WDR62: variants seen among roughly 807,000 people sequenced by gnomAD.
The protein encoded by WDR62 is WD repeat domain 62.
A neutral mutation model predicts 160.6 loss-of-function variants in WDR62; 112 were observed. The ratio of observed to expected loss-of-function variants is 0.70; its 90% CI spans 0.60 to 0.82. The LOEUF (loss-of-function observed/expected upper bound fraction) is 0.82. Among genes scored for constraint, WDR62 ranks in the 40% least tolerant of loss-of-function variants. The pLI is 0.00. For synonymous variants in WDR62, 792 were observed against 815.1 expected (o/e 0.97, Z 0.48); for missense variants, 1,819 against 1,983.8 (o/e 0.92, Z 1.58).
chr19:36,102,307 C>A (rs1266231897), intron 26 of WDR62, 156 bp downstream of exon 26: 17 of 1,125,466 alleles, frequency 1.5e-5, no homozygotes. Context: ...TGTTGCCAGG[C>A]TGGAGTGCGG....
downstream of WDR62, among the ~76,000 whole-genome samples, chr19:36,107,371 G>A (rs184883098): frequency 6.3e-4 from 96 of 152,250 alleles, no homozygotes; most frequent in East Asian, 0.016. Context: ...AAGCTGCCCC[G>A]ATAGTACTGC....
Position 36,069,881 on chromosome 19 carries a change from G to C in WDR62, c.883-1675G>C, listed in dbSNP as rs912100104. On this transcript the variant is annotated intron_variant, in intron 7 of 31. Coordinates refer to ENST00000401500, the MANE Select transcript of WDR62 (RefSeq NM_001083961.2). ...GGCGTGGCGGCGCGCGCCTGCAATC[G>C]CAGGCACTCGGCAGGCTGAGGCAGG... Among the ~76,000 whole-genome samples, 5 of 152,162 alleles carry C rather than the reference G, an allele frequency of 3.3e-5. No homozygotes were observed. The East Asian group carries it at 9.7e-4, about 29-fold the overall frequency.
At chr19:36,066,912 G>C (rs1281478991) in intron 5 of WDR62, among the ~76,000 whole-genome samples, 3 of 152,168 alleles carry the variant, frequency 2.0e-5, no homozygotes. Context: ...GGGCTTTTGA[G>C]GGATTGAGGA....
chr19:36,069,151 G>A (rs1439627240), intron 7 of WDR62, among the ~76,000 whole-genome samples: 2 of 145,728 alleles, frequency 1.4e-5, no homozygotes, highest in Admixed American at 1.3e-4. Flanking sequence ...TCCCGGACTG[G>A]GCGGCTGGCC....
In WDR62 at chr19:36,067,924, G is replaced by T. The variant is rs200939815; in HGVS notation, c.796G>T (p.Ala266Ser). 6.2e-6 allele frequency: 10 copies of T among 1,614,080 alleles called. No individual in the cohort carries two copies. Among genetic ancestry groups the T allele is most frequent in the African/African-American group, 5.3e-5 (4 of 74,930 alleles). Residue 266 changes from alanine to serine, a missense_variant, in exon 7 of 32, where the codon GCG becomes TCG. Transcript: ENST00000401500. ...TGTGGCCTGCGGTCGGGGCCGGATG[G>T]CGGGCAGTACCTTCTGTGTGTCCTA... Reference protein sequence around the residue: ...CGVACGRGRMAGSTFCVSYSG... With the variant: ...CGVACGRGRMSGSTFCVSYSG...
At position 36,078,544 on chromosome 19, in the gene WDR62, G is replaced by C. The variant is rs183243607; in HGVS notation, c.1234-2889G>C. Among the ~76,000 whole-genome samples the C allele has an allele frequency of 5.3e-5, 8 of 151,514 alleles. No individual in the cohort carries two copies. In the East Asian group the frequency reaches 1.6e-3, roughly 29 times the overall value. On this transcript the variant is annotated intron_variant, in intron 9 of 31. Coordinates refer to ENST00000401500, the MANE Select transcript of WDR62 (RefSeq NM_001083961.2). ...TTTTAAATATCTTTTACCTTCTTTT[G>C]AAACAGTAGGCCCAGCGTGGTGGCT...
chr19:36,059,651 T>A (rs373749436), intron 2 of WDR62, among the ~76,000 whole-genome samples: 2 of 152,040 alleles, frequency 1.3e-5, no homozygotes, highest in Admixed American at 6.6e-5. Context: ...CCCAGGCTGG[T>A]CTAAAACTCC....
rs1193342819 is a variant in WDR62, at chr19:36,067,856, G to A, written c.728G>A (p.Arg243His). 5.0e-6 allele frequency: 8 copies of A among 1,614,200 alleles called. No individual in the cohort carries two copies. In the Admixed American group the frequency reaches 5.0e-5, roughly 10 times the overall value. Residue 243 changes from arginine (R) to histidine (H), a missense_variant, in exon 7 of 32, where the codon CGC becomes CAC. Transcript: ENST00000401500. ...KVTSTVPLVG[R>H]SGILGELHNN... ...ACGAGCACAGTGCCCCTTGTAGGGC[G>A]CTCGGGCATCCTGGGCGAGCTGCAC...
At chr19:36,064,212 C>G (rs978705271) in intron 3 of WDR62, among the ~76,000 whole-genome samples, 1 of 152,232 alleles carries the variant, frequency 6.6e-6, no homozygotes, top group African/African-American at 2.4e-5. Context: ...GCATGCTCTT[C>G]CTGCATGTCA....
chr19:36,067,872 C>A lies in WDR62; in HGVS notation c.744C>A (p.Gly248=), dbSNP rs146898747. Residue 248 remains glycine, a synonymous_variant, in exon 7 of 32, where the codon GGC becomes GGA. Transcript: ENST00000401500. ...VPLVGRSGIL[G]ELHNNIFCGV... is the part of the protein sequence containing the mutation. The stretch of plus-strand genomic sequence containing the variant: ...TTGTAGGGCGCTCGGGCATCCTGGG[C>A]GAGCTGCACAACAACATCTTCTGTG... 6.2e-6 allele frequency: 10 copies of A among 1,614,092 alleles called. No individual in the cohort carries two copies.
In WDR62 at chr19:36,066,570, C is replaced by T. The variant is rs563440401; in HGVS notation, c.561+143C>T. On this transcript the variant is annotated intron_variant, in intron 5 of 31. Coordinates refer to ENST00000401500, the MANE Select transcript of WDR62 (RefSeq NM_001083961.2). ...ACAGCTATTGAGCACCTGTGACATG[C>T]TGATCCCTTATTGTAGGGCACAAGG... 1.4e-5 allele frequency: 13 copies of T among 897,888 alleles called. No individual in the cohort carries two copies. In the East Asian group the frequency reaches 3.4e-4, roughly 24 times the overall value. 55.6% of individuals were successfully genotyped at this position (897,888 alleles called of 1,614,324 possible). A position where few individuals can be genotyped will look rare whatever the true frequency, so the allele number is the denominator to read the frequency against.
intron 9 of WDR62, among the ~76,000 whole-genome samples, chr19:36,076,700 A>G (rs1466944734): frequency 6.6e-6 from 1 of 152,028 alleles, no homozygotes; most frequent in Non-Finnish European, 1.5e-5. Flanking sequence ...TTAAGGACAC[A>G]GGGGATGGTG....
At chr19:36,091,113 A>G (rs1391303741) in intron 16 of WDR62, 87 bp from the exon 17 acceptor site, 21 of 1,129,994 alleles carry the variant, frequency 1.9e-5, no homozygotes, top group Non-Finnish European at 2.5e-5. Flanking sequence ...TGTGCTGTGC[A>G]TGCAGCACGG....
In WDR62 at chr19:36,102,966, TC is replaced by T; in HGVS notation, c.3358del (p.Arg1120GlyfsTer7). The stretch of plus-strand genomic sequence containing the variant: ...CCCACAGGTTCACCCATACCTTCCC[TC>T]CCCGGGCAACCCAGTGCCTTGTGAA... ...KASRFTHTFPPRATQCLVKSP... is the reference protein window; with the variant it reads ...KASRFTHTFPXRATQCLVKSP... On this transcript the variant is annotated frameshift_variant, in exon 28 of 32. Transcript: ENST00000401500. LOFTEE classifies it high-confidence loss of function. The T allele has an allele frequency of 6.2e-7, 1 of 1,614,048 alleles. No individual in the cohort carries two copies. The highest frequency in any genetic ancestry group is 8.5e-7 in the Non-Finnish European group (1 of 1,180,006).
Position 36,104,857 on chromosome 19 carries a change from G to A in WDR62, c.4401G>A (p.Glu1467=), listed in dbSNP as rs1973650695. The A allele has an allele frequency of 2.5e-6, 4 of 1,613,326 alleles. No individual in the cohort carries two copies. Among genetic ancestry groups the A allele is most frequent in the Non-Finnish European group, 3.4e-6 (4 of 1,179,998 alleles). Reference sequence around the variant, plus strand: ...TCCTGTGGATCCACAGCCAGCTGGAGGCTGAATGCCTGGTGGGGACTAGTG... The same window carrying A: ...TCCTGTGGATCCACAGCCAGCTGGAAGCTGAATGCCTGGTGGGGACTAGTG... The part of the protein sequence containing the change: ...STFLWIHSQL[E]AECLVGTSVA... The change falls in exon 32 of 32, where the codon GAG becomes GAA. Residue 1467 remains glutamate, a synonymous_variant. Transcript: ENST00000401500.
chr19:36,094,508 C>A (rs919285808), intron 20 of WDR62, among the ~76,000 whole-genome samples: 1 of 151,606 alleles, frequency 6.6e-6, no homozygotes, highest in East Asian at 1.9e-4. Context: ...GAGCTGAGAT[C>A]GCGCCACTGC....
chr19:36,097,173 T>A (rs915107300), intron 21 of WDR62, 94 bp downstream of exon 21: 2 of 1,248,736 alleles, frequency 1.6e-6, no homozygotes, highest in Non-Finnish European at 2.3e-6. Flanking sequence ...TCCATGTCCC[T>A]CTTTTCCCTG....
At chr19:36,080,377 G>A (rs1971826918) in intron 9 of WDR62, among the ~76,000 whole-genome samples, 1 of 151,814 alleles carries the variant, frequency 6.6e-6, no homozygotes, top group African/African-American at 2.4e-5. Flanking sequence ...GCCTCCCGAA[G>A]TGCTGGGATT....
At chr19:36,068,186 C>T (rs139387239) in intron 7 of WDR62, among the ~76,000 whole-genome samples, 176 bp downstream of exon 7, 16 of 152,222 alleles carry the variant, frequency 1.1e-4, no homozygotes, top group Non-Finnish European at 2.2e-4. Flanking sequence ...CTGCCCTCCC[C>T]GCAGAGCTGA....
Sources: allele counts gnomAD v4.1 joint callset (sites outside exome capture counted in the v4.1 genomes callset), GRCh38; gene constraint gnomAD v4.1.1; transcripts MANE v1.5; gene names NCBI Gene and HGNC (gene_info 2026-07-23, HGNC 2026-07-21).